The following SETDB1 variants were observed in gnomAD, a reference collection of about 807,000 sequenced individuals.
SETDB1 encodes histone-lysine N-methyltransferase SETDB1.
A neutral mutation model predicts 137.4 loss-of-function variants in SETDB1; 31 were observed. That is an observed-to-expected ratio of 0.23 (90% confidence interval 0.17 to 0.30). The LOEUF (loss-of-function observed/expected upper bound fraction) is 0.30. SETDB1 is among the 10% of genes least tolerant of loss of function. The pLI, the probability that SETDB1 is intolerant of heterozygous loss-of-function variation, is 1.00. For missense variants in SETDB1, 1,113 were observed against 1,631.5 expected (o/e 0.68, Z 5.47); for synonymous variants, 548 against 579.9 (o/e 0.95, Z 0.79).
At chr1:150,937,225 C>T (rs892346962) in intron 3 of SETDB1, among the ~76,000 whole-genome samples, 11 of 150,436 alleles carry the variant, frequency 7.3e-5, no homozygotes, top group South Asian at 6.3e-4. Flanking sequence ...CATAGGTGAA[C>T]GTTGAGGACA....
chr1:150,956,693 G>A (rs919886164), intron 14 of SETDB1, among the ~76,000 whole-genome samples: 26 of 151,066 alleles, frequency 1.7e-4, no homozygotes, highest in Non-Finnish European at 3.1e-4. Flanking sequence ...TGTATATTAC[G>A]TTTCAATAAT....
chr1:150,931,869 C>T (rs1049345540), intron 3 of SETDB1, among the ~76,000 whole-genome samples: 4 of 151,524 alleles, frequency 2.6e-5, no homozygotes, highest in African/African-American at 7.3e-5. Context: ...CCTTCTAATC[C>T]TAGTTTGAGA....
chr1:150,942,448 A>G (rs1670194460), intron 5 of SETDB1, 115 bp from the exon 6 acceptor site: 2 of 622,488 alleles, frequency 3.2e-6, no homozygotes, highest in Non-Finnish European at 4.9e-6. Flanking sequence ...CTCCATCTCA[A>G]AAAAAAAAAA....
intron 11 of SETDB1, 36 bp downstream of exon 11, chr1:150,949,314 CATATT>C: frequency 6.2e-7 from 1 of 1,612,238 alleles, no homozygotes; most frequent in Non-Finnish European, 8.5e-7. Context: ...CAGTTTCTTT[CATATT>C]ATATTTTCCA....
intron 10 of SETDB1, among the ~76,000 whole-genome samples, chr1:150,948,003 GGGA>G (rs1443658867): frequency 6.6e-6 from 1 of 151,934 alleles, no homozygotes; most frequent in African/African-American, 2.4e-5. Flanking sequence ...AGGCTGAGGT[GGGA>G]GTATCACTTG....
chr1:150,946,858 C>T, intron 9 of SETDB1, 28 bp from the exon 10 acceptor site: 3 of 1,613,446 alleles, frequency 1.9e-6, no homozygotes, highest in Non-Finnish European at 2.5e-6. Flanking sequence ...AAGCTATTTC[C>T]CTTCATTCTT....
Position 150,964,190 on chromosome 1 carries a change from C to T in SETDB1, c.3762-57C>T. 3 of 1,548,806 alleles carry T rather than the reference C, an allele frequency of 1.9e-6. No individual in the cohort carries two copies. In the South Asian group the frequency reaches 3.3e-5, roughly 17 times the overall value. ...ACTCCACCTACATATTCAGTAACCC[C>T]AAGTGCCTGGGTTATCTGCTGTCTT... On this transcript the variant is annotated intron_variant, in intron 21 of 21. Transcript: ENST00000692827.
chr1:150,929,212 A>C, intron 2 of SETDB1, among the ~76,000 whole-genome samples: 1 of 152,234 alleles, frequency 6.6e-6, no homozygotes, highest in East Asian at 1.9e-4. Flanking sequence ...TCCCACCAAC[A>C]GTGTAAAAGT....
Position 150,941,368 on chromosome 1 carries a change from G to C in SETDB1, c.487G>C (p.Asp163His). Residue 163 changes from aspartate to histidine, a missense_variant, in exon 5 of 22, where the codon GAT (aspartate) becomes CAT (histidine). Around this residue, in one of 11 missense-constraint regions of SETDB1, gnomAD observed 159 missense variants for 188.6 expected, o/e 0.84. Coordinates refer to ENST00000692827, the MANE Select transcript of SETDB1 (RefSeq NM_001366418.1). ...AMAALRKSAQ[D>H]VQKFMDAVNK... ...GGCTGCCTTAAGAAAGTCAGCTCAA[G>C]ATGTTCAGAAGTTCATGGATGCTGT... The C allele has an allele frequency of 6.2e-7, 1 of 1,613,820 alleles. No homozygotes were observed. The highest frequency in any genetic ancestry group is 8.5e-7 in the Non-Finnish European group (1 of 1,179,756).
chr1:150,938,012 G>A (rs894007980), intron 3 of SETDB1, among the ~76,000 whole-genome samples: 2 of 152,036 alleles, frequency 1.3e-5, no homozygotes, highest in Admixed American at 6.6e-5. Flanking sequence ...GGTGGATCAC[G>A]AAGTCAGGAG....
chr1:150,950,394 A>T, intron 12 of SETDB1, 64 bp from the exon 13 acceptor site: 1 of 1,376,840 alleles, frequency 7.3e-7, no homozygotes, highest in East Asian at 2.3e-5. Flanking sequence ...AGCTACCTGG[A>T]GGGTTAATTA....
intron 3 of SETDB1, among the ~76,000 whole-genome samples, chr1:150,935,448 G>A (rs917024236): frequency 6.7e-6 from 1 of 150,128 alleles, no homozygotes; most frequent in East Asian, 1.9e-4. Flanking sequence ...GTTCCCTTTT[G>A]TCTCTCCCTG....
intron 9 of SETDB1, among the ~76,000 whole-genome samples, chr1:150,946,320 T>A (rs370879216): frequency 1.3e-4 from 20 of 152,154 alleles, no homozygotes; most frequent in East Asian, 7.7e-4. Flanking sequence ...TGCCCAGCTG[T>A]CATACCTCTT....
At position 150,943,951 on chromosome 1, in the gene SETDB1, T is replaced by C; in HGVS notation, c.907T>C (p.Ser303Pro). The change falls in exon 8 of 22, where the codon TCC (serine) becomes CCC (proline). Residue 303 changes from serine (S) to proline (P), a missense_variant. Coordinates refer to ENST00000692827, the MANE Select transcript of SETDB1 (RefSeq NM_001366418.1). ...CATTTTCTTTGATGATGGCTATGCT[T>C]CCTATGTCACACAGTCGGAACTGTA... ...FLIFFDDGYA[S>P]YVTQSELYPI... The C allele has an allele frequency of 6.2e-7, 1 of 1,613,490 alleles. No homozygotes were observed. The highest frequency in any genetic ancestry group is 8.5e-7 in the Non-Finnish European group (1 of 1,179,412).
chr1:150,948,411 C>T (rs1355675579), intron 10 of SETDB1, among the ~76,000 whole-genome samples: 1 of 151,558 alleles, frequency 6.6e-6, no homozygotes, highest in Non-Finnish European at 1.5e-5. Flanking sequence ...ACTGGGGTTA[C>T]AGGCGACTGC....
chr1:150,933,963 A>G (rs916077942), intron 3 of SETDB1, among the ~76,000 whole-genome samples: 2 of 151,082 alleles, frequency 1.3e-5, no homozygotes, highest in Non-Finnish European at 1.5e-5. Context: ...TTGTATTTTT[A>G]GTAGAGACAG....
chr1:150,936,525 GTTTTCCTGA>G (rs2102665970), intron 3 of SETDB1, among the ~76,000 whole-genome samples: 1 of 152,252 alleles, frequency 6.6e-6, no homozygotes, highest in South Asian at 2.1e-4. Flanking sequence ...CAGTTTATCA[GTTTTCCTGA>G]TTGTGGACAT....
chr1:150,949,350 C>G lies in SETDB1; in HGVS notation c.1425-17C>G. 6.2e-7 allele frequency: 1 copy of G among 1,613,976 alleles called. No homozygotes were observed. On this transcript the variant is annotated splice_polypyrimidine_tract_variant and intron_variant, in intron 11 of 21. Transcript: ENST00000692827. ...TTCCACATCCCTTACTATATGCCCT[C>G]TTCTCTAATCTCCTAGAAGCTTGGA...
At chr1:150,963,852 T>G (rs1449200501) in intron 20 of SETDB1, 111 bp downstream of exon 20, 1 of 1,316,680 alleles carries the variant, frequency 7.6e-7, no homozygotes, top group Non-Finnish European at 1.1e-6. Context: ...TCTCAAAGGA[T>G]CTTAAAGAGG....
Sources: gnomAD v4.1 joint callset for allele counts (sites outside exome capture counted in the v4.1 genomes callset) on GRCh38, gnomAD v4.1.1 for gene constraint, gnomAD v4.1.1 regional missense constraint, MANE v1.5 for transcripts, NCBI Gene and HGNC (gene_info 2026-07-23, HGNC 2026-07-21) for gene names.